TFF3: variants seen among roughly 807,000 people sequenced by gnomAD.
TFF3 encodes trefoil factor 3.
Under a neutral mutation model 9.7 loss-of-function variants are expected in TFF3, and 6 were observed. The ratio of observed to expected loss-of-function variants is 0.62; its 90% confidence interval spans 0.34 to 1.22. The LOEUF (loss-of-function observed/expected upper bound fraction) is 1.22. Among genes scored for constraint, TFF3 ranks in the 50% most tolerant of loss-of-function variants. The pLI, the probability that TFF3 is intolerant of heterozygous loss-of-function variation, is 0.04. For synonymous variants in TFF3, 48 were observed against 41.4 expected, an observed-to-expected ratio of 1.16 and a Z score of -0.61; for missense variants, 93 against 98.6, an observed-to-expected ratio of 0.94 and a Z score of 0.24.
Position 42,313,432 on chromosome 21 carries a change from G to T in TFF3, c.229+53C>A. On this transcript the variant is annotated intron_variant, in intron 2 of 2. Transcript: ENST00000518498. The surrounding 1 kb of genome is among the most constrained non-coding windows in gnomAD (Gnocchi z 4.0). ...CCCAGAAAGGACAGGGAGGCCCTGA[G>T]ACCCCCTGCCTTATGGGGCTGGGCC... 6.4e-7 allele frequency: 1 copy of T among 1,552,088 alleles called. No individual in the cohort carries two copies. Among genetic ancestry groups the T allele is most frequent in the South Asian group, 1.2e-5 (1 of 83,816 alleles).
chr21:42,312,376 C>G, intron 2 of TFF3, 107 bp from the exon 3 acceptor site: 1 of 1,350,970 alleles, frequency 7.4e-7, no homozygotes, highest in Non-Finnish European at 1.0e-6. Context: ...CTGCCTCCTC[C>G]CCAGAGTCAC....
chr21:42,313,798 T>A lies in TFF3; in HGVS notation c.83-167A>T. On this transcript the variant is annotated intron_variant, in intron 1 of 2. Coordinates refer to ENST00000518498, the MANE Select transcript of TFF3 (RefSeq NM_003226.4). This position sits in a 1 kb window ranked among gnomAD's most constrained non-coding sequence, Gnocchi z 4.0. ...AAGATGCACTTTCCCTGTGAATATT[T>A]AAAGAGAGGCAGTCTGTTAAATGCT... 1.4e-6 allele frequency: 1 copy of A among 729,174 alleles called. No homozygotes were observed. The highest frequency in any genetic ancestry group is 2.1e-6 in the Non-Finnish European group (1 of 477,486). 45.2% of individuals were successfully genotyped at this position (729,174 alleles called of 1,614,324 possible).
In TFF3 at chr21:42,312,203, GGCAAGGGT is replaced by G; in HGVS notation, c.*45_*52del. On this transcript the variant is annotated 3_prime_UTR_variant, in exon 3 of 3. Coordinates refer to ENST00000518498, the MANE Select transcript of TFF3 (RefSeq NM_003226.4). Reference sequence around the variant, plus strand: ...CAGTGCCTGGCAGCAATCACAGCCGGGCAAGGGTGCTCCGAGCCTCGCATCCCCCGGCC... The same window carrying G: ...CAGTGCCTGGCAGCAATCACAGCCGGGCTCCGAGCCTCGCATCCCCCGGCC... 2 of 1,613,486 alleles carry G rather than the reference GGCAAGGGT, an allele frequency of 1.2e-6. No individual in the cohort carries two copies. The highest frequency in any genetic ancestry group is 1.7e-6 in the Non-Finnish European group (2 of 1,179,572).
intron 1 of TFF3, among the ~76,000 whole-genome samples, chr21:42,314,742 G>T (rs1418197389): frequency 6.6e-6 from 1 of 152,182 alleles, no homozygotes; most frequent in Admixed American, 6.5e-5. Flanking sequence ...AGCTCTCCAG[G>T]TGATTCTAAT....
chr21:42,313,409 C>T lies in TFF3; in HGVS notation c.229+76G>A. 4.0e-6 allele frequency: 6 copies of T among 1,514,142 alleles called. No homozygotes were observed. The highest frequency in any genetic ancestry group is 5.3e-6 in the Non-Finnish European group (6 of 1,131,400). 93.8% of individuals were successfully genotyped at this position (1,514,142 alleles called of 1,614,324 possible). ...GGTCCTTGTGCCTCCATCTCCAGCC[C>T]AGAAAGGACAGGGAGGCCCTGAGAC... On this transcript the variant is annotated intron_variant, in intron 2 of 2. Coordinates refer to ENST00000518498, the MANE Select transcript of TFF3 (RefSeq NM_003226.4). This position sits in a 1 kb window ranked among gnomAD's most constrained non-coding sequence, Gnocchi z 4.0.
chr21:42,314,811 G>A (rs368750705), intron 1 of TFF3, among the ~76,000 whole-genome samples: 4 of 152,290 alleles, frequency 2.6e-5, no homozygotes, highest in African/African-American at 9.6e-5. Context: ...CCAGATAAAA[G>A]CCATGCCCTC....
rs926850261 is a variant in TFF3, at chr21:42,313,080, G to T, written c.229+405C>A. 6.6e-6 allele frequency among the ~76,000 whole-genome samples: 1 copy of T among 152,120 alleles called. No individual in the cohort carries two copies. Among genetic ancestry groups the T allele is most frequent in the African/African-American group, 2.4e-5 (1 of 41,430 alleles). On this transcript the variant is annotated intron_variant, in intron 2 of 2. Transcript: ENST00000518498. This position sits in a 1 kb window ranked among gnomAD's most constrained non-coding sequence, Gnocchi z 4.0. ...GTGGCACCGAGGCCTGACGTCTAGG[G>T]CTGGGACCGCCTGCCGTCTGTGTAG...
In TFF3 at chr21:42,313,780, A is replaced by G. The variant is rs1439599609; in HGVS notation, c.83-149T>C. The G allele has an allele frequency of 1.2e-6, 1 of 849,252 alleles. No individual in the cohort carries two copies. The highest frequency in any genetic ancestry group is 3.1e-5 in the East Asian group (1 of 32,044). The allele number at this position is 849,252 out of a possible 1,614,324, so 52.6% of individuals were successfully genotyped here. ...GAAACCCTCGCCCTTAGGAAGATGC[A>G]CTTTCCCTGTGAATATTTAAAGAGA... On this transcript the variant is annotated intron_variant, in intron 1 of 2. Transcript: ENST00000518498. This position sits in a 1 kb window ranked among gnomAD's most constrained non-coding sequence, Gnocchi z 4.0.
At position 42,314,548 on chromosome 21, in the gene TFF3, G is replaced by A. The variant is rs116436452; in HGVS notation, c.82+745C>T. 4.8e-3 allele frequency among the ~76,000 whole-genome samples: 736 copies of A among 152,338 alleles called. 5 individuals carry two copies. The highest frequency in any genetic ancestry group is 0.017 in the African/African-American group (694 of 41,570). ...TGCATGCCTGTAATCCCAGCTACTT[G>A]AAGCCGAGGCACAAGAATTGCTTGA... On this transcript the variant is annotated intron_variant, in intron 1 of 2. Coordinates refer to ENST00000518498, the MANE Select transcript of TFF3 (RefSeq NM_003226.4).
rs1247169689 is a variant in TFF3, at chr21:42,312,141, C to T, written c.*115G>A. On this transcript the variant is annotated 3_prime_UTR_variant, in exon 3 of 3. Coordinates refer to ENST00000518498, the MANE Select transcript of TFF3 (RefSeq NM_003226.4). ...CAGATATGAACTTTCAGCAGAAGCG[C>T]TTGCCGGGAGCAAAGGGACAGAAAA... 2 of 1,441,614 alleles carry T rather than the reference C, an allele frequency of 1.4e-6. No homozygotes were observed. The highest frequency in any genetic ancestry group is 2.0e-6 in the Non-Finnish European group (2 of 1,022,850). 89.3% of individuals were successfully genotyped at this position (1,441,614 alleles called of 1,614,324 possible). A position where few individuals can be genotyped will look rare whatever the true frequency, so the allele number is the denominator to read the frequency against.
rs760176980 is a variant in TFF3 at position 42,312,146 on chromosome 21, C to T, written c.*110G>A. ...ATGAACTTTCAGCAGAAGCGCTTGC[C>T]GGGAGCAAAGGGACAGAAAAGCTGA... On this transcript the variant is annotated 3_prime_UTR_variant, in exon 3 of 3. Coordinates refer to ENST00000518498, the MANE Select transcript of TFF3 (RefSeq NM_003226.4). 6.1e-6 allele frequency: 9 copies of T among 1,478,130 alleles called. No individual in the cohort carries two copies. Among genetic ancestry groups the T allele is most frequent in the East Asian group, 2.3e-5 (1 of 44,334 alleles). The allele number at this position is 1,478,130 out of a possible 1,614,324, so 91.6% of individuals were successfully genotyped here.
intron 2 of TFF3, among the ~76,000 whole-genome samples, chr21:42,312,801 G>T (rs1019633550): frequency 1.3e-5 from 2 of 152,160 alleles, no homozygotes; most frequent in Non-Finnish European, 2.9e-5. Context: ...CGGCCTTCGT[G>T]GGGGCTGAGC....
At chr21:42,312,399 A>AGTCCCCACC (rs2069335989) in intron 2 of TFF3, 130 bp from the exon 3 acceptor site, 5 of 1,096,538 alleles carry the variant, frequency 4.6e-6, no homozygotes, top group Non-Finnish European at 6.5e-6. Context: ...GGGAGTGTTG[A>AGTCCCCACC]GTCCCCACCA....
intron 1 of TFF3, 36 bp downstream of exon 1, chr21:42,315,257 C>A: frequency 1.3e-6 from 2 of 1,596,734 alleles, no homozygotes; most frequent in Non-Finnish European, 1.7e-6. Context: ...CCCTTCACGC[C>A]CACCCTGCCA....
Position 42,315,394 on chromosome 21 carries a change from A to G in TFF3, c.-20T>C. The G allele has an allele frequency of 6.2e-7, 1 of 1,614,164 alleles. No homozygotes were observed. Among genetic ancestry groups the G allele is most frequent in the African/African-American group, 1.3e-5 (1 of 75,040 alleles). On this transcript the variant is annotated 5_prime_UTR_variant, in exon 1 of 3. Transcript: ENST00000518498. ...AGCCATGACCACCGTGGGCTCCGGG[A>G]CGCAGCTCAGGACTCGCTTCATGGT... is the stretch of plus-strand genomic sequence containing the variant.
At chr21:42,314,488 T>C (rs577854618) in intron 1 of TFF3, among the ~76,000 whole-genome samples, 1 of 152,232 alleles carries the variant, frequency 6.6e-6, no homozygotes, top group Admixed American at 6.5e-5. Flanking sequence ...ACTCCATCTC[T>C]ACTAAAAATC....
intron 1 of TFF3, among the ~76,000 whole-genome samples, chr21:42,314,573 A>C (rs747547018): frequency 6.6e-6 from 1 of 152,226 alleles, no homozygotes; most frequent in African/African-American, 2.4e-5. Flanking sequence ...GAATTGCTTG[A>C]ACCCAGGAGG....
intron 2 of TFF3, among the ~76,000 whole-genome samples, chr21:42,312,569 G>A (rs1351594090): frequency 6.6e-6 from 1 of 152,156 alleles, no homozygotes; most frequent in Non-Finnish European, 1.5e-5. Flanking sequence ...GACCGGCAGT[G>A]GACAGTAGCC....
chr21:42,313,561 C>T lies in TFF3; in HGVS notation c.153G>A (p.Glu51=), dbSNP rs950442684. 1.2e-6 allele frequency: 2 copies of T among 1,611,142 alleles called. No individual in the cohort carries two copies. The highest frequency in any genetic ancestry group is 1.3e-5 in the African/African-American group (1 of 74,810). ...DCGYPHVTPK[E]CNNRGCCFDS... is the part of the protein sequence containing the mutation. ...CAAAGCAGCAGCCCCGGTTGTTGCA[C>T]TCCTTGGGGGTGACATGGGGGTAGC... The change falls in exon 2 of 3, where the codon GAG becomes GAA. Residue 51 remains glutamate, a synonymous_variant. Coordinates refer to ENST00000518498, the MANE Select transcript of TFF3 (RefSeq NM_003226.4). The surrounding 1 kb of genome is among the most constrained non-coding windows in gnomAD (Gnocchi z 4.0).
Sources: gnomAD v4.1 joint callset for allele counts (sites outside exome capture counted in the v4.1 genomes callset) on GRCh38, gnomAD v4.1.1 for gene constraint, Gnocchi (gnomAD v3.1) non-coding constraint, MANE v1.5 for transcripts, NCBI Gene and HGNC (gene_info 2026-07-23, HGNC 2026-07-21) for gene names.